Variants in ATRIP observed in about 807,000 individuals in gnomAD.
The protein encoded by ATRIP is ATR-interacting protein.
A neutral mutation model predicts 78.1 loss-of-function variants in ATRIP; 44 were observed. The observed-to-expected ratio is 0.56, with a 90% CI of 0.44 to 0.72. ATRIP has a LOEUF of 0.72. Ranked by LOEUF, ATRIP falls within the 30% of genes least tolerant of loss-of-function variation. The pLI is 0.00. For missense variants in ATRIP, 927 were observed against 980.2 expected, an observed-to-expected ratio of 0.95 and a Z score of 0.72; for synonymous variants, 388 against 408.9, an observed-to-expected ratio of 0.95 and a Z score of 0.62.
intron 4 of ATRIP, 79 bp from the exon 5 acceptor site, chr3:48,457,180 T>G (rs1332642810): frequency 1.3e-5 from 18 of 1,336,000 alleles, no homozygotes; most frequent in Admixed American, 6.1e-5. Flanking sequence ...GTTTAAAGTT[T>G]GTTAGAAATT....
intron 3 of ATRIP, 108 bp downstream of exon 3, chr3:48,452,007 A>T: frequency 8.9e-7 from 1 of 1,129,424 alleles, no homozygotes; most frequent in Non-Finnish European, 1.2e-6. Flanking sequence ...TTTGTCTTAA[A>T]TACTTTCTGC....
Position 48,451,839 on chromosome 3 carries a change from T to C in ATRIP, c.492T>C (p.Phe164=). ...SVLEEQRRSH[F]LLEQEKTQAL... ...TAGAGGAACAGAGAAGATCACATTT[T>C]CTTCTTGAGCAAGAGAAAACCCAAG... The change falls in exon 3 of 13, where the codon TTT becomes TTC. Residue 164 remains phenylalanine, a synonymous_variant. Coordinates refer to ENST00000320211, the MANE Select transcript of ATRIP (RefSeq NM_130384.3). 11 of 1,612,740 alleles carry C rather than the reference T, an allele frequency of 6.8e-6. No homozygotes were observed. The highest frequency in any genetic ancestry group is 9.3e-6 in the Non-Finnish European group (11 of 1,179,144).
intron 12 of ATRIP, 85 bp downstream of exon 12, chr3:48,465,168 C>A: frequency 6.6e-7 from 1 of 1,521,936 alleles, no homozygotes; most frequent in South Asian, 1.2e-5. Context: ...GGTGTCCCCT[C>A]AGCAGGCCCC....
chr3:48,451,943 G>C (rs1353354774), intron 3 of ATRIP, 44 bp downstream of exon 3: 1 of 1,542,536 alleles, frequency 6.5e-7, no homozygotes, highest in Non-Finnish European at 8.8e-7. Flanking sequence ...CCTGCCCACT[G>C]AGTTCCTTTG....
rs757415653 is a variant in ATRIP, at chr3:48,466,640, A to G, written c.*1086A>G. On this transcript the variant is annotated 3_prime_UTR_variant, in exon 13 of 13. Transcript: ENST00000320211. Reference sequence around the variant, plus strand: ...CATGCTCCTCTCCAGGCTCAGCAGCAGGTACGTACCCAACCATGGGCTCGC... The same window carrying G: ...CATGCTCCTCTCCAGGCTCAGCAGCGGGTACGTACCCAACCATGGGCTCGC... 1.9e-5 allele frequency: 30 copies of G among 1,611,674 alleles called. No homozygotes were observed. The highest frequency in any genetic ancestry group is 2.5e-5 in the Non-Finnish European group (30 of 1,179,128).
rs1234129373 is a variant in ATRIP, at chr3:48,455,666, A to AT, written c.671+1258dup. ...CACCACACCAGGCTAGTTTTTTTGT[A>AT]TTTTTTTTTTAAGTAGAGATGGGAT... is the stretch of plus-strand genomic sequence containing the variant. On this transcript the variant is annotated intron_variant, in intron 4 of 12. Transcript: ENST00000320211. Among the ~76,000 whole-genome samples the AT allele has an allele frequency of 1.4e-3, 201 of 147,008 alleles. 1 individual carries two copies. The highest frequency in any genetic ancestry group is 4.6e-3 in the African/African-American group (186 of 40,134).
chr3:48,450,497 G>A, intron 2 of ATRIP: 1 of 1,292,296 alleles, frequency 7.7e-7, no homozygotes, highest in South Asian at 1.2e-5. Flanking sequence ...TAGCAGCTTT[G>A]CAAGAAAGCA....
chr3:48,464,618 C>T lies in ATRIP; in HGVS notation c.2011C>T (p.Pro671Ser), dbSNP rs199812903. The T allele has an allele frequency of 4.9e-5, 79 of 1,614,084 alleles. No individual in the cohort carries two copies. Among genetic ancestry groups the T allele is most frequent in the Middle Eastern group, 1.6e-4 (1 of 6,062 alleles). ...WLLAKLGVQS[P>S]LPPVTGSNCQ... ...CCTGGCTAAGCTTGGTGTGCAGAGCCCCTTGCCCCCAGTCACTGGCTCCAA... is the reference window on the plus strand; with the variant it reads ...CCTGGCTAAGCTTGGTGTGCAGAGCTCCTTGCCCCCAGTCACTGGCTCCAA... Residue 671 changes from proline to serine, a missense_variant, in exon 11 of 13, where the codon CCC becomes TCC. Pro to Ser is a moderately conservative substitution (Grantham distance 74). Coordinates refer to ENST00000320211, the MANE Select transcript of ATRIP (RefSeq NM_130384.3).
intron 5 of ATRIP, among the ~76,000 whole-genome samples, chr3:48,458,491 T>C (rs1313555619): frequency 6.6e-6 from 1 of 151,942 alleles, no homozygotes; most frequent in Non-Finnish European, 1.5e-5. Context: ...CCCAGCTAAT[T>C]TTTGTATTTT....
chr3:48,447,430 G>T, intron 1 of ATRIP: 1 of 1,029,130 alleles, frequency 9.7e-7, no homozygotes, highest in Non-Finnish European at 1.2e-6. Context: ...CATGCATGGG[G>T]ACCCATTCTT....
chr3:48,447,393 A>AC, intron 1 of ATRIP: 1 of 1,073,212 alleles, frequency 9.3e-7, no homozygotes, highest in Non-Finnish European at 1.1e-6. Flanking sequence ...GAACACACCT[A>AC]CCACCACCAT....
Position 48,466,460 on chromosome 3 carries a change from C to T in ATRIP, c.*906C>T, listed in dbSNP as rs748209294. 3.1e-6 allele frequency: 5 copies of T among 1,613,686 alleles called. No individual in the cohort carries two copies. The highest frequency in any genetic ancestry group is 4.2e-6 in the Non-Finnish European group (5 of 1,180,000). ...AATGTGCTGGTCCCACTAAGGAAAC[C>T]ACCTCACCCTCTCCAACTTCCTGCC... On this transcript the variant is annotated 3_prime_UTR_variant, in exon 13 of 13. Transcript: ENST00000320211.
chr3:48,464,538 G>C (rs1355071802), intron 10 of ATRIP, 44 bp from the exon 11 acceptor site: 8 of 1,585,926 alleles, frequency 5.0e-6, no homozygotes, highest in Non-Finnish European at 6.1e-6. Context: ...CGCAGGGACT[G>C]GTCTCCTTCT....
Position 48,447,055 on chromosome 3 carries a change from C to G in ATRIP, c.210C>G (p.Ala70=). The change falls in exon 1 of 13, where the codon GCC becomes GCG. Residue 70 remains alanine (A), a synonymous_variant. Coordinates refer to ENST00000320211, the MANE Select transcript of ATRIP (RefSeq NM_130384.3). ...LEELDTLASQ[A]LSQCPAAARD... is the part of the protein sequence containing the mutation. ...AGCTTGACACCCTCGCGTCACAGGC[C>G]CTGAGCCAATGTCCGGCCGCGGCTC... is the stretch of plus-strand genomic sequence containing the variant. 6.4e-7 allele frequency: 1 copy of G among 1,572,598 alleles called. No individual in the cohort carries two copies. The highest frequency in any genetic ancestry group is 8.6e-7 in the Non-Finnish European group (1 of 1,162,546).
rs770607110 is a variant in ATRIP at position 48,466,801 on chromosome 3, CCT to C, written c.*1251_*1252del. ...AGATGTGCCCTGGAGAGCCCCCCCA[CCT>C]CTCAGGGGCCACCTCCCACAGTTCC... On this transcript the variant is annotated 3_prime_UTR_variant, in exon 13 of 13. Coordinates refer to ENST00000320211, the MANE Select transcript of ATRIP (RefSeq NM_130384.3). 7 of 1,613,834 alleles carry C rather than the reference CCT, an allele frequency of 4.3e-6. No homozygotes were observed. Among genetic ancestry groups the C allele is most frequent in the Non-Finnish European group, 5.9e-6 (7 of 1,180,040 alleles).
chr3:48,458,551 A>T (rs1486459133), intron 5 of ATRIP, among the ~76,000 whole-genome samples: 1 of 151,698 alleles, frequency 6.6e-6, no homozygotes, highest in Non-Finnish European at 1.5e-5. Flanking sequence ...CAATCTCATG[A>T]CCTCGTGATC....
Position 48,446,986 on chromosome 3 carries a change from C to A in ATRIP, c.141C>A (p.Asp47Glu). ...CAGCCGCTGCCCCGGACCCTGACGA[C>A]CCGTTCGGCGCGCATGGGGACTTCA... ...FSAAAAPDPD[D>E]PFGAHGDFTA... is the part of the protein sequence containing the mutation. The change falls in exon 1 of 13, where the codon GAC (aspartate) becomes GAA (glutamate). Residue 47 changes from aspartate to glutamate, a missense_variant. Physicochemically the swap from Asp to Glu is conservative, Grantham distance 45. Transcript: ENST00000320211. 6.4e-7 allele frequency: 1 copy of A among 1,574,456 alleles called. No individual in the cohort carries two copies. Among genetic ancestry groups the A allele is most frequent in the East Asian group, 2.6e-5 (1 of 39,128 alleles).
chr3:48,449,433 AAGAAG>A (rs1316368337), intron 1 of ATRIP, among the ~76,000 whole-genome samples: 1 of 150,378 alleles, frequency 6.6e-6, no homozygotes, highest in African/African-American at 2.4e-5. Flanking sequence ...AAAAAAAAAA[AAGAAG>A]GATCATTTAT....
chr3:48,451,782 G>A lies in ATRIP; in HGVS notation c.435G>A (p.Leu145=), dbSNP rs370107308. The change falls in exon 3 of 13, where the codon TTG becomes TTA. Residue 145 remains leucine, a synonymous_variant. Transcript: ENST00000320211. ...VLIKNGEIKI[L]RDSLHQTESV... ...TTAAGAATGGAGAAATTAAAATTTT[G>A]CGAGACTCACTACATCAGACGGAAT... The A allele has an allele frequency of 1.9e-6, 3 of 1,608,256 alleles. No homozygotes were observed. The African/African-American group carries it at 4.0e-5, about 22-fold the overall frequency.
Sources: gnomAD v4.1 joint callset for allele counts (sites outside exome capture counted in the v4.1 genomes callset) on GRCh38, gnomAD v4.1.1 for gene constraint, MANE v1.5 for transcripts, NCBI Gene and HGNC (gene_info 2026-07-23, HGNC 2026-07-21) for gene names.